Variants in TECTB observed in about 807,000 individuals in gnomAD.
TECTB encodes beta-tectorin.
A neutral mutation model predicts 43.3 loss-of-function variants in TECTB; 45 were observed. The observed-to-expected ratio is 1.04, with a 90% CI of 0.82 to 1.33. The LOEUF (loss-of-function observed/expected upper bound fraction) is 1.33. Among genes scored for constraint, TECTB ranks in the 40% most tolerant of loss-of-function variants. The pLI is 0.00. For synonymous variants in TECTB, 169 were observed against 156.7 expected, an observed-to-expected ratio of 1.08 and a Z score of -0.59; for missense variants, 399 against 404.7, an observed-to-expected ratio of 0.99 and a Z score of 0.12.
chr10:112,298,007 C>G (rs1848563441), intron 7 of TECTB, 62 bp from the exon 8 acceptor site: 1 of 1,608,708 alleles, frequency 6.2e-7, no homozygotes, highest in Non-Finnish European at 8.5e-7. Context: ...GTAAATCGCT[C>G]AGCAGCTCTT....
intron 9 of TECTB, among the ~76,000 whole-genome samples, chr10:112,300,291 GAAA>G (rs1848595854): frequency 1.3e-5 from 1 of 76,662 alleles, no homozygotes; most frequent in African/African-American, 6.2e-5. Context: ...AAGAAAGAAA[GAAA>G]GAAAGAAAGA....
At position 112,286,304 on chromosome 10, in the gene TECTB, C is replaced by A; in HGVS notation, c.411-15C>A. 6.2e-7 allele frequency: 1 copy of A among 1,611,640 alleles called. No individual in the cohort carries two copies. Among genetic ancestry groups the A allele is most frequent in the South Asian group, 1.1e-5 (1 of 91,008 alleles). ...CGTGTTTCAGTCCTTATGCAAAATTCTCTCCCCTTTTCAGAGTGGCCACTG... is the reference window on the plus strand; with the variant it reads ...CGTGTTTCAGTCCTTATGCAAAATTATCTCCCCTTTTCAGAGTGGCCACTG... On this transcript the variant is annotated splice_polypyrimidine_tract_variant and intron_variant, in intron 4 of 10. Coordinates refer to ENST00000646139, the MANE Select transcript of TECTB (RefSeq NM_058222.3).
intron 7 of TECTB, among the ~76,000 whole-genome samples, chr10:112,295,042 G>A (rs1848533551): frequency 2.0e-5 from 3 of 152,180 alleles, no homozygotes; most frequent in Non-Finnish European, 4.4e-5. Context: ...AATGATGATT[G>A]TCCAGAAGTA....
At chr10:112,296,746 GC>G (rs946037606) in intron 7 of TECTB, among the ~76,000 whole-genome samples, 3 of 152,040 alleles carry the variant, frequency 2.0e-5, no homozygotes, top group Non-Finnish European at 4.4e-5. Context: ...CTTTAGCTTG[GC>G]CCCCCGTTGT....
chr10:112,300,266 GAAAGAAAGAAAGA>G (rs1331538829), intron 9 of TECTB, among the ~76,000 whole-genome samples: 1,058 of 24,408 alleles, frequency 0.043, 35 homozygotes, highest in East Asian at 0.12. Flanking sequence ...AAGAAAGAAA[GAAAGAAAGAAAGA>G]AAAGAAAGAA....
At chr10:112,303,224 T>G (rs1210487929) in intron 10 of TECTB, 39 bp from the exon 11 acceptor site, 1 of 1,613,114 alleles carries the variant, frequency 6.2e-7, no homozygotes, top group East Asian at 2.2e-5. Flanking sequence ...CTTGTAGAAC[T>G]GTCTCTGAGT....
Position 112,303,329 on chromosome 10 carries a change from T to G in TECTB, c.*17T>G, listed in dbSNP as rs535957396. ...GTGTTATAGGAGTTAGCCAGGCAGC[T>G]GCCGCTCCTCCACCCACAATAGTCC... On this transcript the variant is annotated 3_prime_UTR_variant, in exon 11 of 11. Transcript: ENST00000646139. The G allele has an allele frequency of 1.2e-5, 20 of 1,614,190 alleles. No individual in the cohort carries two copies. In the South Asian group the frequency reaches 1.6e-4, roughly 13 times the overall value.
intron 9 of TECTB, 101 bp downstream of exon 9, chr10:112,299,665 C>A: frequency 1.5e-6 from 2 of 1,317,818 alleles, no homozygotes; most frequent in East Asian, 2.4e-5. Context: ...AATTGCCAAA[C>A]CAGTCGTGCC....
chr10:112,300,180 A>G (rs1589642648), intron 9 of TECTB, among the ~76,000 whole-genome samples: 1 of 150,328 alleles, frequency 6.7e-6, no homozygotes, highest in Non-Finnish European at 1.5e-5. Flanking sequence ...AAAAAAAGAA[A>G]GAAAGAAAAA....
chr10:112,303,120 A>G, intron 10 of TECTB, 143 bp from the exon 11 acceptor site: 1 of 921,424 alleles, frequency 1.1e-6, no homozygotes, highest in Non-Finnish European at 1.7e-6. Context: ...TGAGCTACAG[A>G]ATCCCCAAGG....
In TECTB at chr10:112,284,614, G is replaced by A. The variant is rs1244011163; in HGVS notation, c.156G>A (p.Gln52=). Residue 52 remains glutamine (Q), a synonymous_variant, in exon 3 of 11, where the codon CAG becomes CAA. Coordinates refer to ENST00000646139, the MANE Select transcript of TECTB (RefSeq NM_058222.3). ...GTCCCTATGGATGGGAAGTTCATCA[G>A]CTGGCCCTCGGAGGGCTGTGTTACA... The part of the protein sequence containing the change: ...PECPYGWEVH[Q]LALGGLCYNG... 1 of 1,613,740 alleles carries A rather than the reference G, an allele frequency of 6.2e-7. No homozygotes were observed. The highest frequency in any genetic ancestry group is 8.5e-7 in the Non-Finnish European group (1 of 1,179,878).
rs1310194417 is a variant in TECTB, at chr10:112,304,621, T to C, written c.*1309T>C. The C allele has an allele frequency of 6.6e-6, 1 of 151,868 alleles. No homozygotes were observed. The highest frequency in any genetic ancestry group is 2.4e-5 in the African/African-American group (1 of 41,118). The allele number at this position is 151,868 out of a possible 1,614,324, so 9.4% of individuals were successfully genotyped here. On this transcript the variant is annotated 3_prime_UTR_variant, in exon 11 of 11. Coordinates refer to ENST00000646139, the MANE Select transcript of TECTB (RefSeq NM_058222.3). ...TGGGTTTGTCTCTCTGTATTTAAGG[T>C]ATTTGAGAAGTTTTGCAATTTGCAG...
chr10:112,300,192 A>G (rs1848586776), intron 9 of TECTB, among the ~76,000 whole-genome samples: 1 of 144,548 alleles, frequency 6.9e-6, no homozygotes, highest in Non-Finnish European at 1.5e-5. Context: ...AAAGAAAAAG[A>G]AGAAAGAAAG....
Position 112,293,792 on chromosome 10 carries a change from A to G in TECTB, c.538A>G (p.Ile180Val), listed in dbSNP as rs1435790211. Residue 180 changes from isoleucine to valine, a missense_variant, in exon 6 of 11, where the codon ATC becomes GTC. Physicochemically the swap from Ile to Val is conservative, Grantham distance 29 (BLOSUM62 3). Coordinates refer to ENST00000646139, the MANE Select transcript of TECTB (RefSeq NM_058222.3). ...TCCCTTTGTCCTGGAGGCATCCGAA[A>G]TCGGTTCAGATCTGTTTGCAGGAGT... The part of the protein sequence containing the change: ...EAPFVLEASE[I>V]GSDLFAGVEA... 1.4e-5 allele frequency: 22 copies of G among 1,614,072 alleles called. No homozygotes were observed. The highest frequency in any genetic ancestry group is 1.8e-5 in the Non-Finnish European group (21 of 1,180,044).
At chr10:112,294,666 C>T (rs1848530029) in intron 7 of TECTB, among the ~76,000 whole-genome samples, 1 of 152,148 alleles carries the variant, frequency 6.6e-6, no homozygotes, top group Non-Finnish European at 1.5e-5. Context: ...TGCTGGAAGT[C>T]ATACACAGGA....
Position 112,302,099 on chromosome 10 carries a change from A to T in TECTB, c.908-2A>T. The T allele has an allele frequency of 6.2e-7, 1 of 1,614,030 alleles. No individual in the cohort carries two copies. Among genetic ancestry groups the T allele is most frequent in the Non-Finnish European group, 8.5e-7 (1 of 1,179,952 alleles). ...TCTGCATTCTCTCTTTACTCACTAC[A>T]GGCAGGGGATTTTCCAGTCTCTATA... is the stretch of plus-strand genomic sequence containing the variant. On this transcript the variant is annotated splice_acceptor_variant, in intron 9 of 10. Coordinates refer to ENST00000646139, the MANE Select transcript of TECTB (RefSeq NM_058222.3). LOFTEE classifies it high-confidence loss of function.
Position 112,304,713 on chromosome 10 carries a change from T to C in TECTB, c.*1401T>C, listed in dbSNP as rs759182122. The C allele has an allele frequency of 1.6e-4, 23 of 140,974 alleles. No individual in the cohort carries two copies. Among genetic ancestry groups the C allele is most frequent in the Non-Finnish European group, 1.0e-4 (7 of 68,008 alleles). The allele number at this position is 140,974 out of a possible 1,614,324, so 8.7% of individuals were successfully genotyped here. A position where few individuals can be genotyped will look rare whatever the true frequency, so the allele number is the denominator to read the frequency against. ...TTAAACTAGTTATGAAATCTCCGGA[T>C]ACATGAAGTGTATGTTTGTTTAGTA... On this transcript the variant is annotated 3_prime_UTR_variant, in exon 11 of 11. Coordinates refer to ENST00000646139, the MANE Select transcript of TECTB (RefSeq NM_058222.3).
chr10:112,288,886 C>T (rs974607173), intron 5 of TECTB, among the ~76,000 whole-genome samples: 2 of 152,152 alleles, frequency 1.3e-5, no homozygotes, highest in African/African-American at 4.8e-5. Flanking sequence ...TTTTGACCCT[C>T]AATACAAAAT....
intron 5 of TECTB, among the ~76,000 whole-genome samples, chr10:112,291,840 G>C (rs532406086): frequency 6.6e-6 from 1 of 152,284 alleles, no homozygotes; most frequent in East Asian, 1.9e-4. Flanking sequence ...TTTTGTCTCT[G>C]AAATCTAATC....
Sources: allele counts gnomAD v4.1 joint callset (sites outside exome capture counted in the v4.1 genomes callset), GRCh38; gene constraint gnomAD v4.1.1; transcripts MANE v1.5; gene names NCBI Gene and HGNC (gene_info 2026-07-23, HGNC 2026-07-21).